NTNG1: variants seen among roughly 807,000 people sequenced by gnomAD.
NTNG1 encodes netrin G1, also known as netrin-G1.
Under a neutral mutation model 54.0 loss-of-function variants are expected in NTNG1, and 16 were observed. The ratio of observed to expected loss-of-function variants is 0.30; its 90% CI spans 0.20 to 0.45. The LOEUF (loss-of-function observed/expected upper bound fraction) is 0.45. Among genes scored for constraint, NTNG1 ranks in the 20% least tolerant of loss-of-function variants. NTNG1 has a pLI of 1.00. For missense variants in NTNG1, 530 were observed against 678.7 expected (o/e 0.78, Z 2.43); for synonymous variants, 255 against 263.1 (o/e 0.97, Z 0.30).
At chr1:107,245,922 G>T (rs1007783605) in intron 2 of NTNG1, among the ~76,000 whole-genome samples, 1 of 152,136 alleles carries the variant, frequency 6.6e-6, no homozygotes, top group African/African-American at 2.4e-5. Flanking sequence ...GTCAATAAAT[G>T]ATATGTATCC....
intron 3 of NTNG1, among the ~76,000 whole-genome samples, chr1:107,347,196 T>G (rs1669301518): frequency 6.6e-6 from 1 of 152,098 alleles, no homozygotes. Context: ...AGCAATAGTT[T>G]CCACGTCAGT....
chr1:107,306,698 C>A (rs1179541927), intron 2 of NTNG1, among the ~76,000 whole-genome samples: 1 of 151,810 alleles, frequency 6.6e-6, no homozygotes, highest in Non-Finnish European at 1.5e-5. Flanking sequence ...TTGCAGTGAG[C>A]CGAGATCACG....
chr1:107,317,448 C>T (rs1667397044), intron 2 of NTNG1, among the ~76,000 whole-genome samples: 1 of 152,176 alleles, frequency 6.6e-6, no homozygotes, highest in Non-Finnish European at 1.5e-5. Context: ...TTTCTGCAGA[C>T]ATTCATATTC....
chr1:107,218,996 T>C (rs1011438892), intron 2 of NTNG1, among the ~76,000 whole-genome samples: 5 of 152,140 alleles, frequency 3.3e-5, no homozygotes, highest in Non-Finnish European at 7.4e-5. Context: ...TCCAAATATG[T>C]TTTTGGAAAA....
intron 2 of NTNG1, among the ~76,000 whole-genome samples, chr1:107,203,222 GTATTTAC>G (rs1322461736): frequency 6.7e-6 from 1 of 149,704 alleles, no homozygotes; most frequent in Non-Finnish European, 1.5e-5. Context: ...TGACCCCTTT[GTATTTAC>G]TATTTTTCTT....
At chr1:107,210,067 T>G (rs1659502087) in intron 2 of NTNG1, among the ~76,000 whole-genome samples, 1 of 152,082 alleles carries the variant, frequency 6.6e-6, no homozygotes, top group Admixed American at 6.6e-5. Context: ...GGATGCACTT[T>G]GAGCAAAGGC....
At chr1:107,148,865 A>G (rs1654340661) in intron 2 of NTNG1, 26 bp downstream of exon 2, 11 of 1,605,228 alleles carry the variant, frequency 6.9e-6, no homozygotes, top group African/African-American at 1.3e-5. Context: ...TGCATAAAAT[A>G]TTTCATATAA....
chr1:107,200,508 A>G (rs969768952), intron 2 of NTNG1, among the ~76,000 whole-genome samples: 9 of 151,474 alleles, frequency 5.9e-5, no homozygotes, highest in African/African-American at 2.2e-4. Flanking sequence ...ATTAGGGAAC[A>G]TGTGTCCAGG....
intron 2 of NTNG1, among the ~76,000 whole-genome samples, chr1:107,290,059 A>G (rs1375009709): frequency 6.6e-6 from 1 of 152,168 alleles, no homozygotes; most frequent in African/African-American, 2.4e-5. Flanking sequence ...TCTCTGCCAT[A>G]TGTATTTAAT....
intron 2 of NTNG1, among the ~76,000 whole-genome samples, chr1:107,291,362 A>G (rs1665590576): frequency 6.6e-6 from 1 of 152,188 alleles, no homozygotes; most frequent in Admixed American, 6.6e-5. Flanking sequence ...TTTGGTCAAC[A>G]ATAGGCTATT....
At chr1:107,402,778 G>C (rs963917688) in intron 4 of NTNG1, among the ~76,000 whole-genome samples, 1 of 152,048 alleles carries the variant, frequency 6.6e-6, no homozygotes, top group Non-Finnish European at 1.5e-5. Flanking sequence ...CATTATCTGC[G>C]TTTTCTTCAA....
intron 3 of NTNG1, among the ~76,000 whole-genome samples, chr1:107,362,302 G>C (rs955624697): frequency 6.6e-6 from 1 of 152,198 alleles, no homozygotes; most frequent in African/African-American, 2.4e-5. Context: ...GGATGCACTA[G>C]CTGGCAGCTT....
chr1:107,239,104 A>G (rs1226197021), intron 2 of NTNG1, among the ~76,000 whole-genome samples: 1 of 152,186 alleles, frequency 6.6e-6, no homozygotes, highest in Non-Finnish European at 1.5e-5. Context: ...CGGGGAGCAA[A>G]TATAATGCCT....
At chr1:107,470,958 G>T (rs1329312168) in intron 7 of NTNG1, among the ~76,000 whole-genome samples, 2 of 152,160 alleles carry the variant, frequency 1.3e-5, no homozygotes, top group African/African-American at 4.8e-5. Flanking sequence ...TTTGGGCAGG[G>T]CCTCCTGCTC....
chr1:107,424,629 A>G (rs1674780495), intron 5 of NTNG1, among the ~76,000 whole-genome samples: 1 of 152,090 alleles, frequency 6.6e-6, no homozygotes, highest in Non-Finnish European at 1.5e-5. Flanking sequence ...TAGGCTAAGC[A>G]GTTGGAGGAA....
At chr1:107,261,756 T>C (rs898628755) in intron 2 of NTNG1, among the ~76,000 whole-genome samples, 54 of 152,112 alleles carry the variant, frequency 3.6e-4, no homozygotes, top group Middle Eastern at 3.2e-3. Context: ...GGCGGGAGAA[T>C]GGCGTGAACC....
At chr1:107,141,449 C>G (rs1256244185) in intron 1 of NTNG1, 1 of 151,208 alleles carries the variant, frequency 6.6e-6, no homozygotes, top group Non-Finnish European at 1.5e-5. Context: ...CAAGGGCAAA[C>G]GAGCCACACG....
At chr1:107,143,349 C>A (rs976845623) in intron 1 of NTNG1, 10 of 152,136 alleles carry the variant, frequency 6.6e-5, no homozygotes, top group African/African-American at 2.4e-4. Context: ...TTTGCAGTTT[C>A]CTTTTGTATA....
chr1:107,174,618 C>T (rs1238954985), intron 2 of NTNG1, among the ~76,000 whole-genome samples: 1 of 151,938 alleles, frequency 6.6e-6, no homozygotes, highest in South Asian at 2.1e-4. Flanking sequence ...TAATGATTTC[C>T]CATTTGTTGT....
Sources: allele counts gnomAD v4.1 joint callset (sites outside exome capture counted in the v4.1 genomes callset), GRCh38; gene constraint gnomAD v4.1.1; transcripts MANE v1.5; gene names NCBI Gene and HGNC (gene_info 2026-07-23, HGNC 2026-07-21).